Variants in ANGPT4 observed in about 807,000 individuals in gnomAD.
ANGPT4 encodes angiopoietin-4.
ANGPT4 carries 50 observed loss-of-function variants against 53.0 expected under a neutral mutation model. The observed-to-expected ratio is 0.94, with a 90% CI of 0.75 to 1.20. The LOEUF (loss-of-function observed/expected upper bound fraction) is 1.20, where lower values mean the gene tolerates loss of function less well. Among genes scored for constraint, ANGPT4 ranks in the 50% most tolerant of loss-of-function variants. The pLI is 0.00. For synonymous variants in ANGPT4, 251 were observed against 259.7 expected (o/e 0.97, Z 0.32); for missense variants, 648 against 637.1 (o/e 1.02, Z -0.18).
chr20:881,262 A>T lies in ANGPT4; in HGVS notation c.860T>A (p.Val287Glu), dbSNP rs756905557. ...APAFIMAGEQ[V>E]FQDCAEIQRS... ...CTGGATCTCTGCACAGTCCTGGAAC[A>T]CCTGCTCACCTGCCATTATGAAGGC... The change falls in exon 5 of 9, where the codon GTG becomes GAG. Residue 287 changes from valine to glutamate, a missense_variant. By Grantham distance (121) the Val-to-Glu change is moderately radical. Transcript: ENST00000381922. 2 of 1,613,936 alleles carry T rather than the reference A, an allele frequency of 1.2e-6. No homozygotes were observed. The highest frequency in any genetic ancestry group is 2.7e-5 in the African/African-American group (2 of 74,930).
At chr20:883,039 C>A (rs1334218580) in intron 4 of ANGPT4, among the ~76,000 whole-genome samples, 4 of 152,232 alleles carry the variant, frequency 2.6e-5, no homozygotes, top group Admixed American at 2.6e-4. Context: ...CTGTGCTGAA[C>A]CCTTTTGTAT....
intron 4 of ANGPT4, among the ~76,000 whole-genome samples, chr20:882,032 G>A (rs1451656547): frequency 1.3e-5 from 2 of 152,152 alleles, no homozygotes; most frequent in African/African-American, 4.8e-5. Flanking sequence ...TCCCTTGGGT[G>A]GGAAGCTGTG....
At chr20:884,839 C>G (rs1981546109) in intron 4 of ANGPT4, among the ~76,000 whole-genome samples, 1 of 152,080 alleles carries the variant, frequency 6.6e-6, no homozygotes, top group African/African-American at 2.4e-5. Context: ...TAAACTGAGG[C>G]CAAGAGAGGG....
chr20:878,927 G>C (rs1484236992), intron 6 of ANGPT4, among the ~76,000 whole-genome samples: 1 of 152,190 alleles, frequency 6.6e-6, no homozygotes, highest in East Asian at 1.9e-4. Flanking sequence ...GACAGAACAA[G>C]AATTCAGCAC....
intron 7 of ANGPT4, among the ~76,000 whole-genome samples, chr20:877,607 CT>C (rs1981219040): frequency 6.6e-6 from 1 of 152,170 alleles, no homozygotes; most frequent in African/African-American, 2.4e-5. Flanking sequence ...ATGCTAGTTC[CT>C]TTTCCCAAAT....
rs1052558316 is a variant in ANGPT4 at position 870,895 on chromosome 20, T to A, written c.*2065A>T. ...AAGAAGATGACATACATGGTCTCATTTCCTCCTTGCCATAGCCCAGCCAGG... is the reference window on the plus strand; with the variant it reads ...AAGAAGATGACATACATGGTCTCATATCCTCCTTGCCATAGCCCAGCCAGG... On this transcript the variant is annotated 3_prime_UTR_variant, in exon 9 of 9. Transcript: ENST00000381922. 3 of 152,226 alleles carry A rather than the reference T, an allele frequency of 2.0e-5. No individual in the cohort carries two copies. The highest frequency in any genetic ancestry group is 7.2e-5 in the African/African-American group (3 of 41,456). 9.4% of individuals were successfully genotyped at this position (152,226 alleles called of 1,614,324 possible). A position where few individuals can be genotyped will look rare whatever the true frequency, so the allele number is the denominator to read the frequency against.
chr20:873,172 G>T, intron 8 of ANGPT4, 52 bp from the exon 9 acceptor site: 2 of 1,587,412 alleles, frequency 1.3e-6, no homozygotes, highest in Non-Finnish European at 8.6e-7. Flanking sequence ...CCCAGCCAGT[G>T]GCAAGAGGGC....
chr20:893,049 C>T (rs1843936684), intron 1 of ANGPT4, among the ~76,000 whole-genome samples: 1 of 152,232 alleles, frequency 6.6e-6, no homozygotes, highest in Non-Finnish European at 1.5e-5. Context: ...GCCCCCATGG[C>T]CCAGTCCTGG....
chr20:877,646 T>C (rs1415438352), intron 7 of ANGPT4, among the ~76,000 whole-genome samples: 1 of 152,100 alleles, frequency 6.6e-6, no homozygotes, highest in Admixed American at 6.5e-5. Flanking sequence ...GAGGAAGGGG[T>C]GAGAAACCTT....
At chr20:907,912 C>A (rs1368935247) in intron 1 of ANGPT4, among the ~76,000 whole-genome samples, 1 of 152,216 alleles carries the variant, frequency 6.6e-6, no homozygotes, top group African/African-American at 2.4e-5. Context: ...CTTATTGGAT[C>A]CCCAGCAGCC....
chr20:880,828 A>G (rs1213157195), intron 5 of ANGPT4, among the ~76,000 whole-genome samples: 1 of 152,210 alleles, frequency 6.6e-6, no homozygotes, highest in East Asian at 1.9e-4. Context: ...CAACTGGACT[A>G]TATGTAAACT....
intron 1 of ANGPT4, among the ~76,000 whole-genome samples, chr20:907,310 C>A (rs941387429): frequency 2.0e-5 from 3 of 152,078 alleles, no homozygotes; most frequent in Non-Finnish European, 4.4e-5. Context: ...TGAAAGGCCA[C>A]AAGGAGAAGA....
chr20:910,837 C>T lies in ANGPT4; in HGVS notation c.309+5069G>A, dbSNP rs150720975. Among the ~76,000 whole-genome samples, 12 of 152,238 alleles carry T rather than the reference C, an allele frequency of 7.9e-5. No homozygotes were observed. The East Asian group carries it at 1.7e-3, about 22-fold the overall frequency. On this transcript the variant is annotated intron_variant, in intron 1 of 8. Transcript: ENST00000381922. ...CCTGCCCTGCACCCCCACCTCATCC[C>T]AGGCATGAGCCAGCTGGTCATCCCC...
chr20:894,915 C>A (rs371309739), intron 1 of ANGPT4, among the ~76,000 whole-genome samples: 7 of 152,180 alleles, frequency 4.6e-5, no homozygotes, highest in African/African-American at 1.4e-4. Context: ...CCTCACTGGT[C>A]CCCCACTTGT....
chr20:883,556 G>A (rs68138376), intron 4 of ANGPT4, among the ~76,000 whole-genome samples: 15,222 of 152,276 alleles, frequency 0.1, 1,162 homozygotes, highest in East Asian at 0.43. Flanking sequence ...TGGTGACTGA[G>A]CCTCTCCTTC....
At chr20:886,775 C>T (rs538689179) in intron 3 of ANGPT4, among the ~76,000 whole-genome samples, 48 of 152,308 alleles carry the variant, frequency 3.2e-4, no homozygotes, top group African/African-American at 1.0e-3. Context: ...ACTCAAAGTA[C>T]GGTTTCTACT....
chr20:872,750 G>A lies in ANGPT4; in HGVS notation c.*210C>T. The A allele has an allele frequency of 3.3e-6, 2 of 601,796 alleles. No homozygotes were observed. The highest frequency in any genetic ancestry group is 4.0e-5 in the South Asian group (2 of 50,572). The allele number at this position is 601,796 out of a possible 1,614,324, so 37.3% of individuals were successfully genotyped here. ...AGAGGGGCGAGGACTACATCAGAGG[G>A]ATGGGCCCCGAACACCCTCCATGTC... On this transcript the variant is annotated 3_prime_UTR_variant, in exon 9 of 9. Coordinates refer to ENST00000381922, the MANE Select transcript of ANGPT4 (RefSeq NM_015985.4).
intron 1 of ANGPT4, among the ~76,000 whole-genome samples, chr20:915,429 C>G (rs1982891189): frequency 6.6e-6 from 1 of 152,206 alleles, no homozygotes; most frequent in South Asian, 2.1e-4. Flanking sequence ...CTGGCCCACT[C>G]TATCATTTCC....
intron 6 of ANGPT4, among the ~76,000 whole-genome samples, chr20:878,984 T>C (rs1981283129): frequency 6.6e-6 from 1 of 152,224 alleles, no homozygotes; most frequent in Non-Finnish European, 1.5e-5. Context: ...TTAGTCACGA[T>C]GCAATGCGGG....
Sources: allele counts gnomAD v4.1 joint callset (sites outside exome capture counted in the v4.1 genomes callset), GRCh38; gene constraint gnomAD v4.1.1; transcripts MANE v1.5; gene names NCBI Gene and HGNC (gene_info 2026-07-23, HGNC 2026-07-21).